The following ADORA2A variants were observed in gnomAD, a reference collection of about 807,000 sequenced individuals.
The protein encoded by ADORA2A is adenosine receptor A2a.
ADORA2A carries 11 observed loss-of-function variants against 18.4 expected under a neutral mutation model. The observed-to-expected ratio is 0.60, with a 90% CI of 0.38 to 0.99. The LOEUF (loss-of-function observed/expected upper bound fraction) is 0.99. ADORA2A is among the 50% of genes least tolerant of loss of function. The pLI is 0.01. For synonymous variants in ADORA2A, 218 were observed against 237.3 expected (o/e 0.92, Z 0.75); for missense variants, 449 against 556.1 (o/e 0.81, Z 1.94).
intron 2 of ADORA2A, among the ~76,000 whole-genome samples, chr22:24,434,189 A>G (rs1689189165): frequency 6.6e-6 from 1 of 152,128 alleles, no homozygotes. Context: ...CAGAGTTAGG[A>G]GCCGCCCGCC....
chr22:24,433,428 G>A lies in ADORA2A; in HGVS notation c.24G>A (p.Val8=), dbSNP rs745423721. MPIMGSS[V]YITVELAIAV... is the part of the protein sequence containing the mutation. ...CCATGCCCATCATGGGCTCCTCGGTGTACATCACGGTGGAGCTGGCCATTG... is the reference window on the plus strand; with the variant it reads ...CCATGCCCATCATGGGCTCCTCGGTATACATCACGGTGGAGCTGGCCATTG... The change falls in exon 2 of 3, where the codon GTG becomes GTA. Residue 8 remains valine, a synonymous_variant. Coordinates refer to ENST00000337539, the MANE Select transcript of ADORA2A (RefSeq NM_000675.6). 1.2e-6 allele frequency: 2 copies of A among 1,613,304 alleles called. No homozygotes were observed. Among genetic ancestry groups the A allele is most frequent in the Non-Finnish European group, 1.7e-6 (2 of 1,179,748 alleles).
upstream of ADORA2A, among the ~76,000 whole-genome samples, chr22:24,424,149 C>T (rs1210141727): frequency 1.3e-5 from 2 of 151,876 alleles, no homozygotes; most frequent in African/African-American, 2.4e-5. This position sits in a 1 kb window ranked among gnomAD's most constrained non-coding sequence, Gnocchi z 4.9. Context: ...TTCCCCGGCG[C>T]GGGGTCCGAG....
chr22:24,438,589 C>A (rs1420206507), intron 2 of ADORA2A: 2 of 152,208 alleles, frequency 1.3e-5, no homozygotes, highest in Admixed American at 6.5e-5. Context: ...CAAGCCCCCA[C>A]GGAATGGAGC....
At chr22:24,427,197 T>C (rs2042927756), upstream of ADORA2A, among the ~76,000 whole-genome samples, 1 of 152,180 alleles carries the variant, frequency 6.6e-6, no homozygotes, top group East Asian at 1.9e-4. Flanking sequence ...CAGTGGCCTC[T>C]GCAAACCCTG....
At position 24,439,078 on chromosome 22, in the gene ADORA2A, T is replaced by TTTTTTTTTG. The variant is rs2043259822; in HGVS notation, c.333-1497_333-1496insGTTTTTTTT. On this transcript the variant is annotated intron_variant, in intron 2 of 2. Coordinates refer to ENST00000337539, the MANE Select transcript of ADORA2A (RefSeq NM_000675.6). ...CACATCCTTCCCCTTGCACCTTTTTTTTTTTTTTTTTTTTTTTTTTTTTGG... is the reference window on the plus strand; with the variant it reads ...CACATCCTTCCCCTTGCACCTTTTTTTTTTTTTTGTTTTTTTTTTTTTTTTTTTTTTTGG... Among the ~76,000 whole-genome samples the TTTTTTTTTG allele has an allele frequency of 1.8e-5, 2 of 110,846 alleles. 1 individual carries two copies. The highest frequency in any genetic ancestry group is 3.8e-5 in the Non-Finnish European group (2 of 52,414). 72.7% of individuals were successfully genotyped at this position (110,846 alleles called of 152,430 possible).
At chr22:24,430,908 G>A (rs992950162) in intron 1 of ADORA2A, 2 of 356,002 alleles carry the variant, frequency 5.6e-6, no homozygotes, top group South Asian at 2.1e-5. Flanking sequence ...TGTTGCTGCT[G>A]CTGGTGGTGC....
Position 24,440,689 on chromosome 22 carries a change from G to T in ADORA2A, c.439G>T (p.Gly147Cys), listed in dbSNP as rs78720419. 15 of 1,613,540 alleles carry T rather than the reference G, an allele frequency of 9.3e-6. No homozygotes were observed. The highest frequency in any genetic ancestry group is 8.3e-5 in the Admixed American group (5 of 59,984). ...TCCCATGCTAGGTTGGAACAACTGC[G>T]GTCAGCCAAAGGAGGGCAAGAACCA... Reference protein sequence around the residue: ...LTPMLGWNNCGQPKEGKNHSQ... With the variant: ...LTPMLGWNNCCQPKEGKNHSQ... Residue 147 changes from glycine to cysteine, a missense_variant, in exon 3 of 3, where the codon GGT becomes TGT. Physicochemically the swap from Gly to Cys is radical, Grantham distance 159. Transcript: ENST00000337539.
chr22:24,425,610 C>G (rs1489881566), upstream of ADORA2A, among the ~76,000 whole-genome samples: 1 of 152,228 alleles, frequency 6.6e-6, no homozygotes, highest in South Asian at 2.1e-4. Flanking sequence ...TGGCCAGAGG[C>G]GGGCCTTAGG....
rs551515096 is a variant in ADORA2A, at chr22:24,435,073, G to C, written c.332+1337G>C. On this transcript the variant is annotated intron_variant, in intron 2 of 2. Transcript: ENST00000337539. ...CTGCACTGGGCTGCTCCAGGGAAGG[G>C]GAGGAATCTGGACCTCACACTGCCC... Among the ~76,000 whole-genome samples the C allele has an allele frequency of 2.0e-5, 3 of 152,210 alleles. No individual in the cohort carries two copies. The South Asian group carries it at 6.2e-4, about 31-fold the overall frequency.
In ADORA2A at chr22:24,440,634, C is replaced by T. The variant is rs2043315163; in HGVS notation, c.384C>T (p.Cys128=). 1 of 1,599,334 alleles carries T rather than the reference C, an allele frequency of 6.3e-7. No homozygotes were observed. The highest frequency in any genetic ancestry group is 8.5e-7 in the Non-Finnish European group (1 of 1,170,464). ...GTRAKGIIAI[C]WVLSFAIGLT... The stretch of plus-strand genomic sequence containing the variant: ...GGGCTAAGGGCATCATTGCCATCTG[C>T]TGGGTGCTGTCGTTTGCCATCGGCC... The change falls in exon 3 of 3, where the codon TGC becomes TGT. Residue 128 remains cysteine (C), a synonymous_variant. Coordinates refer to ENST00000337539, the MANE Select transcript of ADORA2A (RefSeq NM_000675.6).
chr22:24,441,166 C>G lies in ADORA2A; in HGVS notation c.916C>G (p.His306Asp), dbSNP rs878978641. The G allele has an allele frequency of 6.2e-7, 1 of 1,614,222 alleles. No homozygotes were observed. The highest frequency in any genetic ancestry group is 1.1e-5 in the South Asian group (1 of 91,092). The stretch of plus-strand genomic sequence containing the variant: ...GACCTTCCGCAAGATCATTCGCAGC[C>G]ACGTCCTGAGGCAGCAAGAACCTTT... ...RQTFRKIIRS[H>D]VLRQQEPFKA... Residue 306 changes from histidine to aspartate, a missense_variant, in exon 3 of 3, where the codon CAC (histidine) becomes GAC (aspartate). By Grantham distance (81) the His-to-Asp change is moderately conservative. Coordinates refer to ENST00000337539, the MANE Select transcript of ADORA2A (RefSeq NM_000675.6).
intron 2 of ADORA2A, among the ~76,000 whole-genome samples, chr22:24,434,687 G>A (rs2043130988): frequency 6.6e-6 from 1 of 152,194 alleles, no homozygotes; most frequent in African/African-American, 2.4e-5. Context: ...TCTCTGCGGT[G>A]AATTATCTGA....
intron 1 of ADORA2A, among the ~76,000 whole-genome samples, chr22:24,428,616 G>A (rs187552492): frequency 5.7e-4 from 87 of 152,258 alleles, no homozygotes; most frequent in African/African-American, 2.0e-3. Flanking sequence ...TTAGATTACT[G>A]TATTACCTTC....
chr22:24,427,934 C>T (rs528217438), intron 1 of ADORA2A, among the ~76,000 whole-genome samples, 188 bp downstream of exon 1: 2 of 152,320 alleles, frequency 1.3e-5, no homozygotes, highest in South Asian at 2.1e-4. Context: ...GTCTTGGCCC[C>T]ATCTTGCCCA....
At position 24,441,556 on chromosome 22, in the gene ADORA2A, C is replaced by A; in HGVS notation, c.*67C>A. On this transcript the variant is annotated 3_prime_UTR_variant, in exon 3 of 3. Transcript: ENST00000337539. ...TATCTTTCTGGTTGGCTTGACCAGTCACGTTGGGAGAAGAGAGAGAGTGCC... is the reference window on the plus strand; with the variant it reads ...TATCTTTCTGGTTGGCTTGACCAGTAACGTTGGGAGAAGAGAGAGAGTGCC... 1 of 1,417,392 alleles carries A rather than the reference C, an allele frequency of 7.1e-7. No homozygotes were observed. Among genetic ancestry groups the A allele is most frequent in the South Asian group, 1.7e-5 (1 of 58,714 alleles). 87.8% of individuals were successfully genotyped at this position (1,417,392 alleles called of 1,614,324 possible). A position where few individuals can be genotyped will look rare whatever the true frequency, so the allele number is the denominator to read the frequency against.
intron 1 of ADORA2A, chr22:24,432,074 G>A (rs1461725394): frequency 3.2e-5 from 5 of 155,244 alleles, no homozygotes; most frequent in Admixed American, 6.3e-5. Context: ...CCAAACTCCC[G>A]TTAGTCATTC....
At chr22:24,428,533 T>C (rs1454579473) in intron 1 of ADORA2A, among the ~76,000 whole-genome samples, 1 of 152,232 alleles carries the variant, frequency 6.6e-6, no homozygotes, top group East Asian at 1.9e-4. Flanking sequence ...GGTTCAGAAG[T>C]TCTCATTCTT....
At chr22:24,426,293 A>G (rs2042918212), upstream of ADORA2A, among the ~76,000 whole-genome samples, 1 of 152,190 alleles carries the variant, frequency 6.6e-6, no homozygotes, top group Admixed American at 6.5e-5. Context: ...TGTCTATTGC[A>G]GCGCAAACAG....
rs201326359 is a variant in ADORA2A, at chr22:24,433,495, G to A, written c.91G>A (p.Val31Met). The change falls in exon 2 of 3, where the codon GTG becomes ATG. Residue 31 changes from valine to methionine, a missense_variant. Coordinates refer to ENST00000337539, the MANE Select transcript of ADORA2A (RefSeq NM_000675.6). The part of the protein sequence containing the change: ...ILGNVLVCWA[V>M]WLNSNLQNVT... The stretch of plus-strand genomic sequence containing the variant: ...GGGCAATGTGCTGGTGTGCTGGGCC[G>A]TGTGGCTCAACAGCAACCTGCAGAA... The A allele has an allele frequency of 6.2e-7, 1 of 1,614,168 alleles. No homozygotes were observed. The highest frequency in any genetic ancestry group is 8.5e-7 in the Non-Finnish European group (1 of 1,180,040).
Sources: allele counts gnomAD v4.1 joint callset (sites outside exome capture counted in the v4.1 genomes callset), GRCh38; gene constraint gnomAD v4.1.1; non-coding constraint Gnocchi (gnomAD v3.1); transcripts MANE v1.5; gene names NCBI Gene and HGNC (gene_info 2026-07-23, HGNC 2026-07-21).